The following MMP13 variants were observed in gnomAD, a reference collection of about 807,000 sequenced individuals.
MMP13 encodes matrix metallopeptidase 13, also known as collagenase 3.
In MMP13, 45 loss-of-function variants were observed where a neutral mutation model predicts 52.1. The observed-to-expected ratio is 0.86, with a 90% CI of 0.68 to 1.11. The LOEUF (loss-of-function observed/expected upper bound fraction) is 1.11. Ranked by LOEUF, MMP13 falls within the 50% of genes least tolerant of loss-of-function variation. The pLI, the probability that MMP13 is intolerant of heterozygous loss-of-function variation, is 0.00. For missense variants in MMP13, 576 were observed against 583.8 expected (o/e 0.99, Z 0.14); for synonymous variants, 200 against 204.4 (o/e 0.98, Z 0.18).
intron 5 of MMP13, 94 bp downstream of exon 5, chr11:102,951,918 A>AT: frequency 7.4e-7 from 1 of 1,346,240 alleles, no homozygotes; most frequent in Non-Finnish European, 1.1e-6. Flanking sequence ...GTACCAAAAC[A>AT]TTATTATGCA....
Position 102,943,549 on chromosome 11 carries a change from G to C in MMP13, c.*717C>G, listed in dbSNP as rs565834939. ...AGAACCTGAAATATTTTAATAAAAA[G>C]ACATCATCCTTCTTTATCCTTTATA... On this transcript the variant is annotated 3_prime_UTR_variant, in exon 10 of 10. Transcript: ENST00000260302. 3.3e-5 allele frequency: 5 copies of C among 152,272 alleles called. No homozygotes were observed. In the South Asian group the frequency reaches 8.3e-4, roughly 25 times the overall value. The allele number at this position is 152,272 out of a possible 1,614,324, so 9.4% of individuals were successfully genotyped here.
At chr11:102,947,805 G>C in intron 8 of MMP13, 86 bp downstream of exon 8, 1 of 1,398,790 alleles carries the variant, frequency 7.1e-7, no homozygotes, top group Non-Finnish European at 1.0e-6. Flanking sequence ...TTACAATAGT[G>C]TGTAGGAATA....
chr11:102,947,494 A>G (rs1313841693), intron 8 of MMP13, among the ~76,000 whole-genome samples: 1 of 152,166 alleles, frequency 6.6e-6, no homozygotes, highest in Non-Finnish European at 1.5e-5. Flanking sequence ...AATTGCTTCA[A>G]TACAGGAGGC....
rs17860587 is a variant in MMP13 at position 102,943,125 on chromosome 11, G to C, written c.*1141C>G. 7.9e-5 allele frequency: 12 copies of C among 152,152 alleles called. 2 individuals are homozygous for C. In the South Asian group the frequency reaches 2.5e-3, roughly 32 times the overall value. 9.4% of individuals were successfully genotyped at this position (152,152 alleles called of 1,614,324 possible). Reference sequence around the variant, plus strand: ...TGAGCACAATAGTTCTTCCCTTGATGGCCGATCATATATTCAATAAGTGCC... The same window carrying C: ...TGAGCACAATAGTTCTTCCCTTGATCGCCGATCATATATTCAATAAGTGCC... On this transcript the variant is annotated 3_prime_UTR_variant, in exon 10 of 10. Transcript: ENST00000260302.
Position 102,949,118 on chromosome 11 carries a change from G to GCTCCGCATCAAC in MMP13, c.946_957dup (p.Val316_Glu319dup). Reference sequence around the variant, plus strand: ...GGCCAAAATGATTTCGTTAAAAACAGCTCCGCATCAACCTGCTGAGGATGC... The same window carrying GCTCCGCATCAAC: ...GGCCAAAATGATTTCGTTAAAAACAGCTCCGCATCAACCTCCGCATCAACCTGCTGAGGATGC... On this transcript the variant is annotated inframe_insertion, in exon 7 of 10. Coordinates refer to ENST00000260302, the MANE Select transcript of MMP13 (RefSeq NM_002427.4). This position sits in a 1 kb window ranked among gnomAD's most constrained non-coding sequence, Gnocchi z 4.2. 1 of 1,613,796 alleles carries GCTCCGCATCAAC rather than the reference G, an allele frequency of 6.2e-7. No individual in the cohort carries two copies. The highest frequency in any genetic ancestry group is 8.5e-7 in the Non-Finnish European group (1 of 1,179,830).
At chr11:102,950,011 T>C in intron 6 of MMP13, 99 bp downstream of exon 6, 1 of 988,064 alleles carries the variant, frequency 1.0e-6, no homozygotes, top group South Asian at 1.3e-5. Context: ...TACTGCTAAC[T>C]TCGCCTTTGG....
In MMP13 at chr11:102,947,931, T is replaced by C. The variant is rs1555016838; in HGVS notation, c.1171A>G (p.Thr391Ala). 1.9e-6 allele frequency: 3 copies of C among 1,614,008 alleles called. No individual in the cohort carries two copies. The African/African-American group carries it at 4.0e-5, about 22-fold the overall frequency. The change falls in exon 8 of 10, where the codon ACA (threonine) becomes GCA (alanine). Residue 391 changes from threonine (T) to alanine (A), a missense_variant. Thr to Ala is a moderately conservative substitution (Grantham distance 58). Transcript: ENST00000260302. ...CCTGAGAACAGGAGAGTCTTGCCTGTATCCTCAAAGTGAACAGCTGCACTT... is the reference window on the plus strand; with the variant it reads ...CCTGAGAACAGGAGAGTCTTGCCTGCATCCTCAAAGTGAACAGCTGCACTT... ...KISAAVHFEDTGKTLLFSGNQ... is the reference protein window; with the variant it reads ...KISAAVHFEDAGKTLLFSGNQ...
rs144776439 is a variant in MMP13 at position 102,944,305 on chromosome 11, A to C, written c.1377T>G (p.Ile459Met). Residue 459 changes from isoleucine to methionine, a missense_variant, in exon 10 of 10, where the codon ATT becomes ATG. Coordinates refer to ENST00000260302, the MANE Select transcript of MMP13 (RefSeq NM_002427.4). Reference sequence around the variant, plus strand: ...TGGAATTTGCTGGCATGACGCGAACAATACGGTTACTCCAGATGCTGTATT... The same window carrying C: ...TGGAATTTGCTGGCATGACGCGAACCATACGGTTACTCCAGATGCTGTATT... The part of the protein sequence containing the change: ...QFEYSIWSNR[I>M]VRVMPANSIL... 6.2e-6 allele frequency: 10 copies of C among 1,613,386 alleles called. No individual in the cohort carries two copies. Among genetic ancestry groups the C allele is most frequent in the African/African-American group, 1.3e-5 (1 of 74,902 alleles).
At position 102,955,236 on chromosome 11, in the gene MMP13, A is replaced by G. The variant is rs1340172892; in HGVS notation, c.362+16T>C. ...AAAGGCTAACAAATATGAAAGAAAG[A>G]TAGCCTATGATTTACCTGTAGGTTA... is the stretch of plus-strand genomic sequence containing the variant. On this transcript the variant is annotated intron_variant, in intron 2 of 9. Transcript: ENST00000260302. This position sits in a 1 kb window ranked among gnomAD's most constrained non-coding sequence, Gnocchi z 4.9. 2 of 1,612,992 alleles carry G rather than the reference A, an allele frequency of 1.2e-6. No individual in the cohort carries two copies. Among genetic ancestry groups the G allele is most frequent in the Admixed American group, 3.3e-5 (2 of 59,976 alleles).
Position 102,952,239 on chromosome 11 carries a change from T to A in MMP13, c.638-66A>T. On this transcript the variant is annotated intron_variant, in intron 4 of 9. Coordinates refer to ENST00000260302, the MANE Select transcript of MMP13 (RefSeq NM_002427.4). The surrounding 1 kb of genome is among the most constrained non-coding windows in gnomAD (Gnocchi z 4.3). ...CAGTGACCAGGTAATGAAAGGAATA[T>A]CATTTTATCTATCTGGTATGTTTCT... 816 of 1,411,868 alleles carry A rather than the reference T, an allele frequency of 5.8e-4. No homozygotes were observed. The highest frequency in any genetic ancestry group is 7.5e-4 in the Non-Finnish European group (750 of 998,082). The allele number at this position is 1,411,868 out of a possible 1,614,324, so 87.5% of individuals were successfully genotyped here.
intron 9 of MMP13, chr11:102,945,109 TG>T (rs1252300639): frequency 2.3e-5 from 8 of 340,866 alleles, no homozygotes; most frequent in Non-Finnish European, 4.8e-5. Flanking sequence ...CCAGGCATGG[TG>T]GCAGGCACCT....
chr11:102,952,208 G>T lies in MMP13; in HGVS notation c.638-35C>A. The T allele has an allele frequency of 6.2e-7, 1 of 1,605,836 alleles. No homozygotes were observed. The highest frequency in any genetic ancestry group is 1.1e-5 in the South Asian group (1 of 90,756). ...AACAAAGAAACAATGAGAAAAAAAG[G>T]AATTCCAGTGACCAGGTAATGAAAG... On this transcript the variant is annotated intron_variant, in intron 4 of 9. Transcript: ENST00000260302. The surrounding 1 kb of genome is among the most constrained non-coding windows in gnomAD (Gnocchi z 4.3).
rs548322553 is a variant in MMP13, at chr11:102,955,270, T to G, written c.344A>C (p.Lys115Thr). 2.5e-5 allele frequency: 40 copies of G among 1,613,924 alleles called. No individual in the cohort carries two copies. The East Asian group carries it at 8.5e-4, about 34-fold the overall frequency. ...GATTTACCTGTAGGTTAAATTCATT[T>G]TGGACCATTTAAGAGTTCGAGGGAA... Reference protein sequence around the residue: ...NVFPRTLKWSKMNLTYRIVNY... With the variant: ...NVFPRTLKWSTMNLTYRIVNY... Residue 115 changes from lysine (K) to threonine (T), a missense_variant, in exon 2 of 10, where the codon AAA becomes ACA. Transcript: ENST00000260302. This position sits in a 1 kb window ranked among gnomAD's most constrained non-coding sequence, Gnocchi z 4.9.
At position 102,949,060 on chromosome 11, in the gene MMP13, T is replaced by C. The variant is rs1555017007; in HGVS notation, c.1016A>G (p.Glu339Gly). 2 of 1,613,860 alleles carry C rather than the reference T, an allele frequency of 1.2e-6. No homozygotes were observed. Among genetic ancestry groups the C allele is most frequent in the Non-Finnish European group, 1.7e-6 (2 of 1,179,828 alleles). ...GAAGATGAGGTCATGAGAAGGGTGCTCATATGCAGCATCAATACGGTTGGG... is the reference window on the plus strand; with the variant it reads ...GAAGATGAGGTCATGAGAAGGGTGCCCATATGCAGCATCAATACGGTTGGG... ...ELPNRIDAAYEHPSHDLIFIF... is the reference protein window; with the variant it reads ...ELPNRIDAAYGHPSHDLIFIF... The change falls in exon 7 of 10, where the codon GAG (glutamate) becomes GGG (glycine). Residue 339 changes from glutamate to glycine, a missense_variant. Physicochemically the swap from Glu to Gly is moderately conservative, Grantham distance 98. Coordinates refer to ENST00000260302, the MANE Select transcript of MMP13 (RefSeq NM_002427.4). This position sits in a 1 kb window ranked among gnomAD's most constrained non-coding sequence, Gnocchi z 4.2.
intron 2 of MMP13, 47 bp from the exon 3 acceptor site, chr11:102,954,653 T>C: frequency 6.5e-7 from 1 of 1,540,000 alleles, no homozygotes; most frequent in South Asian, 1.1e-5. Context: ...AAGTGACAGC[T>C]ATTTTAGAAT....
Position 102,954,588 on chromosome 11 carries a change from A to T in MMP13, c.381T>A (p.Pro127=). 6.2e-7 allele frequency: 1 copy of T among 1,613,594 alleles called. No homozygotes were observed. Among genetic ancestry groups the T allele is most frequent in the Non-Finnish European group, 8.5e-7 (1 of 1,179,654 alleles). ...NLTYRIVNYT[P]DMTHSEVEKA... is the part of the protein sequence containing the mutation. ...TTTCGACTTCAGAATGAGTCATATC[A>T]GGGGTGTAATTCACAATTCTATTTA... The change falls in exon 3 of 10, where the codon CCT becomes CCA. Residue 127 remains proline, a synonymous_variant. Coordinates refer to ENST00000260302, the MANE Select transcript of MMP13 (RefSeq NM_002427.4).
intron 5 of MMP13, among the ~76,000 whole-genome samples, chr11:102,950,504 A>C (rs1860594599): frequency 6.6e-6 from 1 of 151,848 alleles, no homozygotes; most frequent in Admixed American, 6.6e-5. Context: ...AAGCAACAGA[A>C]TTTGAGAAAT....
chr11:102,950,369 A>G (rs1268961465), intron 5 of MMP13, 142 bp from the exon 6 acceptor site: 1 of 779,884 alleles, frequency 1.3e-6, no homozygotes, highest in East Asian at 2.4e-5. Flanking sequence ...CTCCTACATC[A>G]TGGTGCAAGT....
chr11:102,954,444 A>C lies in MMP13; in HGVS notation c.511+14T>G. 6.2e-7 allele frequency: 1 copy of C among 1,611,704 alleles called. No individual in the cohort carries two copies. The highest frequency in any genetic ancestry group is 1.1e-5 in the South Asian group (1 of 90,872). On this transcript the variant is annotated intron_variant, in intron 3 of 9. Transcript: ENST00000260302. ...GAATATAAAAATGTTTGTAAAATAA[A>C]TGTGCATCATTACCCTTAATTCCAA... is the stretch of plus-strand genomic sequence containing the variant.
Sources: gnomAD v4.1 joint callset for allele counts (sites outside exome capture counted in the v4.1 genomes callset) on GRCh38, gnomAD v4.1.1 for gene constraint, Gnocchi (gnomAD v3.1) non-coding constraint, MANE v1.5 for transcripts, NCBI Gene and HGNC (gene_info 2026-07-23, HGNC 2026-07-21) for gene names.